Variants in UBP1 observed in about 807,000 individuals in gnomAD.
The protein encoded by UBP1 is upstream binding protein 1, also known as upstream-binding protein 1.
Under a neutral mutation model 76.1 loss-of-function variants are expected in UBP1, and 22 were observed. That is an observed-to-expected ratio of 0.29 (90% CI 0.21 to 0.41). UBP1 has a LOEUF of 0.41. Ranked by LOEUF, UBP1 falls within the 10% of genes least tolerant of loss-of-function variation. UBP1 has a pLI of 1.00. For synonymous variants in UBP1, 224 were observed against 237.1 expected (o/e 0.94, Z 0.51); for missense variants, 436 against 668.1 (o/e 0.65, Z 3.83).
In UBP1 at chr3:33,389,849, A is replaced by G. The variant is rs150617913; in HGVS notation, c.*482T>C. On this transcript the variant is annotated 3_prime_UTR_variant, in exon 16 of 16. Transcript: ENST00000283629. ...TGACCACCAACGGCCACATCAGCAC[A>G]ACACAACTCTCCGCATACAGATTCA... The G allele has an allele frequency of 9.4e-4, 147 of 156,230 alleles. No homozygotes were observed. Among genetic ancestry groups the G allele is most frequent in the Admixed American group, 1.5e-3 (23 of 15,706 alleles). 9.7% of individuals were successfully genotyped at this position (156,230 alleles called of 1,614,324 possible).
In UBP1 at chr3:33,425,755, AATC is replaced by A; in HGVS notation, c.114-17_114-15del. 1 of 1,566,386 alleles carries A rather than the reference AATC, an allele frequency of 6.4e-7. No homozygotes were observed. The highest frequency in any genetic ancestry group is 8.7e-7 in the Non-Finnish European group (1 of 1,143,652). On this transcript the variant is annotated splice_polypyrimidine_tract_variant and intron_variant, in intron 1 of 15. Transcript: ENST00000283629. The stretch of plus-strand genomic sequence containing the variant: ...GCCAAGACATCACTGAAAAGCAAAA[AATC>A]AACACTGACCTTACTTTGGGTTTGA...
chr3:33,429,901 T>C (rs2045084974), intron 1 of UBP1, among the ~76,000 whole-genome samples: 1 of 152,188 alleles, frequency 6.6e-6, no homozygotes, highest in Non-Finnish European at 1.5e-5. Context: ...GTGAATGTAC[T>C]GATTTTCAAA....
chr3:33,418,624 C>T (rs1386902681), intron 2 of UBP1, among the ~76,000 whole-genome samples: 2 of 151,550 alleles, frequency 1.3e-5, no homozygotes, highest in East Asian at 2.0e-4. Context: ...TTTGGGAGCC[C>T]GAGGCGGGCA....
chr3:33,426,196 C>G (rs925503880), intron 1 of UBP1, among the ~76,000 whole-genome samples: 29 of 151,868 alleles, frequency 1.9e-4, no homozygotes, highest in Middle Eastern at 3.4e-3. Flanking sequence ...AAAGAAGCAT[C>G]TGATTAAAAT....
chr3:33,413,328 C>T (rs1205546454), intron 3 of UBP1, among the ~76,000 whole-genome samples: 2 of 125,116 alleles, frequency 1.6e-5, no homozygotes, highest in Admixed American at 9.4e-5. Context: ...GGGAGGATCA[C>T]GAGGTCAGGG....
At chr3:33,416,689 T>A in intron 3 of UBP1, 69 bp downstream of exon 3, 7 of 1,160,758 alleles carry the variant, frequency 6.0e-6, no homozygotes, top group East Asian at 5.2e-5. Context: ...GTGAAATTAA[T>A]TTTTTTTTAA....
chr3:33,416,663 TACA>T (rs1575478876), intron 3 of UBP1, 92 bp downstream of exon 3: 22 of 972,788 alleles, frequency 2.3e-5, no homozygotes, highest in Non-Finnish European at 3.2e-5. Flanking sequence ...AAAGTTGTAA[TACA>T]ACAATTATTG....
chr3:33,432,903 G>C (rs1344373509), intron 1 of UBP1, among the ~76,000 whole-genome samples: 5 of 152,106 alleles, frequency 3.3e-5, no homozygotes, highest in African/African-American at 1.2e-4. Flanking sequence ...TGGGTGAAGG[G>C]TACATGTGAA....
intron 8 of UBP1, among the ~76,000 whole-genome samples, chr3:33,404,940 C>T (rs1260660564): frequency 6.6e-6 from 1 of 152,064 alleles, no homozygotes; most frequent in Non-Finnish European, 1.5e-5. Context: ...GATGCATTTC[C>T]AATAATATTT....
intron 1 of UBP1, among the ~76,000 whole-genome samples, chr3:33,437,781 G>A (rs1237840417): frequency 2.0e-5 from 3 of 152,314 alleles, no homozygotes; most frequent in Admixed American, 2.0e-4. Context: ...TACAACTGCA[G>A]TCCAGGGAGG....
chr3:33,421,094 G>A (rs763304419), intron 2 of UBP1, among the ~76,000 whole-genome samples: 7 of 152,150 alleles, frequency 4.6e-5, no homozygotes, highest in Non-Finnish European at 1.0e-4. Context: ...AGCATCACAG[G>A]CTCAGCCCCC....
At chr3:33,408,461 A>C (rs2154057098) in intron 8 of UBP1, among the ~76,000 whole-genome samples, 1 of 152,272 alleles carries the variant, frequency 6.6e-6, no homozygotes, top group African/African-American at 2.4e-5. Flanking sequence ...TCCCTCCAAA[A>C]CCACCCAATA....
At chr3:33,425,998 T>TGA (rs1553679212) in intron 1 of UBP1, among the ~76,000 whole-genome samples, 4 of 29,028 alleles carry the variant, frequency 1.4e-4, no homozygotes, top group African/African-American at 4.5e-4. Context: ...CAGCTCTGAA[T>TGA]ATATATATAT....
At chr3:33,435,033 C>G (rs1051372991) in intron 1 of UBP1, among the ~76,000 whole-genome samples, 3 of 152,170 alleles carry the variant, frequency 2.0e-5, no homozygotes, top group Admixed American at 1.3e-4. Flanking sequence ...GTGACAGAAT[C>G]CATACATCCC....
intron 9 of UBP1, 71 bp from the exon 10 acceptor site, chr3:33,401,087 A>T: frequency 7.0e-7 from 1 of 1,422,968 alleles, no homozygotes; most frequent in Non-Finnish European, 9.5e-7. Flanking sequence ...AGGCATTAAA[A>T]GCTGTTGCAT....
intron 8 of UBP1, among the ~76,000 whole-genome samples, chr3:33,407,029 T>C (rs1484372520): frequency 6.6e-6 from 1 of 152,226 alleles, no homozygotes; most frequent in Non-Finnish European, 1.5e-5. Flanking sequence ...CTCTATGAAA[T>C]GTTGGCCTTC....
chr3:33,393,566 TAAAA>T, intron 13 of UBP1, 112 bp from the exon 14 acceptor site: 1 of 985,880 alleles, frequency 1.0e-6, no homozygotes, highest in Non-Finnish European at 1.4e-6. Context: ...ACCAAAAAAG[TAAAA>T]AAACATTTTA....
rs2043706001 is a variant in UBP1 at position 33,390,311 on chromosome 3, A to G, written c.*20T>C. On this transcript the variant is annotated 3_prime_UTR_variant, in exon 16 of 16. Transcript: ENST00000283629. ...AGCGTGACTATTTGGTACTGAATACAGTTCAGTCTATATAAGACATCACTT... is the reference window on the plus strand; with the variant it reads ...AGCGTGACTATTTGGTACTGAATACGGTTCAGTCTATATAAGACATCACTT... 2.5e-6 allele frequency: 4 copies of G among 1,608,300 alleles called. No homozygotes were observed. Among genetic ancestry groups the G allele is most frequent in the Non-Finnish European group, 3.4e-6 (4 of 1,174,910 alleles).
intron 3 of UBP1, among the ~76,000 whole-genome samples, 165 bp from the exon 4 acceptor site, chr3:33,412,992 C>T (rs1043999454): frequency 5.9e-5 from 9 of 152,104 alleles, no homozygotes; most frequent in East Asian, 1.9e-4. Context: ...ACCTGGATTA[C>T]GGTACAATTA....
Sources: allele counts gnomAD v4.1 joint callset (sites outside exome capture counted in the v4.1 genomes callset), GRCh38; gene constraint gnomAD v4.1.1; transcripts MANE v1.5; gene names NCBI Gene and HGNC (gene_info 2026-07-23, HGNC 2026-07-21).